Variants in DNAH1 observed in about 807,000 individuals in gnomAD.
DNAH1 encodes the protein dynein axonemal heavy chain 1.
DNAH1 carries 327 observed loss-of-function variants against 484.3 expected under a neutral mutation model. The ratio of observed to expected loss-of-function variants is 0.68; its 90% CI spans 0.62 to 0.74. The LOEUF (loss-of-function observed/expected upper bound fraction) is 0.74. DNAH1 is among the 30% of genes least tolerant of loss of function. The pLI, the probability that DNAH1 is intolerant of heterozygous loss-of-function variation, is 0.00. For missense variants in DNAH1, 5,052 were observed against 5,546.8 expected (o/e 0.91, Z 2.83); for synonymous variants, 2,192 against 2,191.9 (o/e 1.00, Z 0.00).
intron 3 of DNAH1, among the ~76,000 whole-genome samples, chr3:52,324,540 T>C (rs1307893739): frequency 6.6e-6 from 1 of 152,126 alleles, no homozygotes; most frequent in Non-Finnish European, 1.5e-5. Flanking sequence ...CAGGCCCAGA[T>C]GCCCTGTGGC....
Position 52,353,026 on chromosome 3 carries a change from G to T in DNAH1, c.3028-77G>T. The T allele has an allele frequency of 2.1e-6, 3 of 1,430,744 alleles. No individual in the cohort carries two copies. Among genetic ancestry groups the T allele is most frequent in the Non-Finnish European group, 2.8e-6 (3 of 1,054,806 alleles). 88.6% of individuals were successfully genotyped at this position (1,430,744 alleles called of 1,614,324 possible). A position where few individuals can be genotyped will look rare whatever the true frequency, so the allele number is the denominator to read the frequency against. On this transcript the variant is annotated intron_variant, in intron 18 of 77. Transcript: ENST00000420323. The surrounding 1 kb of genome is among the most constrained non-coding windows in gnomAD (Gnocchi z 5.0). Reference sequence around the variant, plus strand: ...GAGCAAGGGAGAGGGAGAGGACCTGGCCCAAGAAGGGGCAACATGGAGAGA... The same window carrying T: ...GAGCAAGGGAGAGGGAGAGGACCTGTCCCAAGAAGGGGCAACATGGAGAGA...
intron 57 of DNAH1, 39 bp from the exon 58 acceptor site, chr3:52,388,379 G>T: frequency 6.2e-7 from 1 of 1,601,652 alleles, no homozygotes; most frequent in Non-Finnish European, 8.5e-7. Flanking sequence ...CCCTCCCGGG[G>T]GTACTTGGCG....
intron 32 of DNAH1, 120 bp downstream of exon 32, chr3:52,363,264 C>T: frequency 1.5e-6 from 2 of 1,307,880 alleles, no homozygotes; most frequent in Non-Finnish European, 2.1e-6. Context: ...ACCTTGTCGG[C>T]TTCTCCCAGC....
At position 52,359,897 on chromosome 3, in the gene DNAH1, G is replaced by A. The variant is rs1423036948; in HGVS notation, c.4408-19G>A. On this transcript the variant is annotated intron_variant, in intron 26 of 77. Coordinates refer to ENST00000420323, the MANE Select transcript of DNAH1 (RefSeq NM_015512.5). The stretch of plus-strand genomic sequence containing the variant: ...CCTCGTGGTACCCTGATGTTTGACA[G>A]TGCACCCCATTTCTGCAGCTCAGTG... 2 of 1,613,270 alleles carry A rather than the reference G, an allele frequency of 1.2e-6. No homozygotes were observed. Among genetic ancestry groups the A allele is most frequent in the East Asian group, 2.2e-5 (1 of 44,878 alleles).
chr3:52,345,776 G>C, intron 10 of DNAH1, 70 bp downstream of exon 10: 1 of 1,497,942 alleles, frequency 6.7e-7, no homozygotes, highest in Non-Finnish European at 9.1e-7. Flanking sequence ...CACAGGTCGG[G>C]GCTGCAGCGG....
At chr3:52,371,880 G>T in intron 41 of DNAH1, 66 bp from the exon 42 acceptor site, 1 of 1,582,984 alleles carries the variant, frequency 6.3e-7, no homozygotes. Flanking sequence ...CTTGGCCATG[G>T]GGCCGCAGCC....
upstream of DNAH1, among the ~76,000 whole-genome samples, chr3:52,313,271 G>A (rs143424326): frequency 6.6e-6 from 1 of 152,208 alleles, no homozygotes; most frequent in African/African-American, 2.4e-5. Context: ...TCAGTGTCTG[G>A]CGCAAAAGGT....
At chr3:52,391,730 C>T (rs568569901) in intron 63 of DNAH1, 127 bp downstream of exon 63, 49 of 1,119,592 alleles carry the variant, frequency 4.4e-5, no homozygotes, top group Non-Finnish European at 6.2e-5. Flanking sequence ...CCAGTTTCAC[C>T]CCAGGCACTC....
rs1195121253 is a variant in DNAH1 at position 52,322,759 on chromosome 3, C to T, written c.317C>T (p.Thr106Ile). The T allele has an allele frequency of 1.9e-6, 3 of 1,605,376 alleles. No individual in the cohort carries two copies. The East Asian group carries it at 6.7e-5, about 36-fold the overall frequency. Residue 106 changes from threonine to isoleucine, a missense_variant, in exon 2 of 78, where the codon ACC becomes ATC. Thr to Ile is a moderately conservative substitution (Grantham distance 89, BLOSUM62 -1). Transcript: ENST00000420323. ...GFYSDILSPGTLDQLGEVCRG... is the reference protein window; with the variant it reads ...GFYSDILSPGILDQLGEVCRG... ...TACTCCGACATCCTCAGCCCTGGAA[C>T]CTTAGATCAACTTGGGGTGAGTATG...
chr3:52,366,646 T>A, intron 35 of DNAH1, 87 bp from the exon 36 acceptor site: 1 of 1,556,788 alleles, frequency 6.4e-7, no homozygotes, highest in Non-Finnish European at 8.7e-7. Context: ...CCCCTTGGCA[T>A]AGAATACCCC....
rs1704625739 is a variant in DNAH1, at chr3:52,396,377, G to A, written c.11269G>A (p.Asp3757Asn). ...GAGCCATGGCCACCAGGTACACAGG[G>A]ACTTCCGCCTCTGGCTCACCAGCCT... The part of the protein sequence containing the change: ...EHINPDKVHR[D>N]FRLWLTSLPS... Residue 3757 changes from aspartate to asparagine, a missense_variant, in exon 71 of 78, where the codon GAC becomes AAC. By Grantham distance (23) the Asp-to-Asn change is conservative. This residue lies in a region of DNAH1 where 853 missense variants were observed against 899.0 expected (regional missense o/e 0.95). Coordinates refer to ENST00000420323, the MANE Select transcript of DNAH1 (RefSeq NM_015512.5). The A allele has an allele frequency of 4.4e-6, 7 of 1,576,146 alleles. No homozygotes were observed. Among genetic ancestry groups the A allele is most frequent in the African/African-American group, 1.4e-5 (1 of 73,998 alleles).
intron 3 of DNAH1, among the ~76,000 whole-genome samples, chr3:52,324,995 C>T (rs1261041315): frequency 1.3e-5 from 2 of 152,194 alleles, no homozygotes; most frequent in African/African-American, 2.4e-5. Flanking sequence ...TCTCTTCGCC[C>T]TGGCTCCTTC....
In DNAH1 at chr3:52,388,490, C is replaced by T. The variant is rs781114057; in HGVS notation, c.9244C>T (p.Arg3082Cys). Residue 3082 changes from arginine to cysteine, a missense_variant, in exon 58 of 78, where the codon CGT becomes TGT. Arg to Cys is a radical substitution (Grantham distance 180). This residue lies in a region of DNAH1 where 2,929 missense variants were observed against 3,409.4 expected (regional missense o/e 0.86). Coordinates refer to ENST00000420323, the MANE Select transcript of DNAH1 (RefSeq NM_015512.5). ...CCTGGATGAGGCAAAACAGCGCCTT[C>T]GTGAGGTGGAGGACGGCATCGCCAC... ...RILDEAKQRLREVEDGIATMQ... is the reference protein window; with the variant it reads ...RILDEAKQRLCEVEDGIATMQ... 20 of 1,612,518 alleles carry T rather than the reference C, an allele frequency of 1.2e-5. No homozygotes were observed. The highest frequency in any genetic ancestry group is 1.2e-4 in the South Asian group (11 of 90,764).
At position 52,356,602 on chromosome 3, in the gene DNAH1, T is replaced by G. The variant is rs780766924; in HGVS notation, c.3694-12T>G. 1.9e-6 allele frequency: 3 copies of G among 1,612,284 alleles called. No individual in the cohort carries two copies. The highest frequency in any genetic ancestry group is 3.3e-5 in the Admixed American group (2 of 59,968). ...TCCATATCACACCCCTCCCTGCCCC[T>G]CCCCTCCCCAGGAGGTTCTGGAGGA... On this transcript the variant is annotated splice_polypyrimidine_tract_variant and intron_variant, in intron 21 of 77. Coordinates refer to ENST00000420323, the MANE Select transcript of DNAH1 (RefSeq NM_015512.5).
At chr3:52,372,494 C>T in intron 43 of DNAH1, 107 bp downstream of exon 43, 1 of 1,464,606 alleles carries the variant, frequency 6.8e-7, no homozygotes. Flanking sequence ...TGCCAGGAAC[C>T]TCCCAGGGGG....
At chr3:52,399,415 A>G in intron 76 of DNAH1, 130 bp from the exon 77 acceptor site, 1 of 963,166 alleles carries the variant, frequency 1.0e-6, no homozygotes, top group Non-Finnish European at 1.6e-6. Flanking sequence ...GCCATGGGCT[A>G]AAGTGGTAGG....
chr3:52,333,766 TG>T (rs1041913608), intron 8 of DNAH1, among the ~76,000 whole-genome samples: 20 of 152,238 alleles, frequency 1.3e-4, no homozygotes, highest in South Asian at 4.1e-4. Context: ...ACACAACCAA[TG>T]TTTTTTTTTC....
chr3:52,369,990 T>A lies in DNAH1; in HGVS notation c.6109T>A (p.Phe2037Ile). Residue 2037 changes from phenylalanine (F) to isoleucine (I), a missense_variant, in exon 38 of 78, where the codon TTC becomes ATC. Physicochemically the swap from Phe to Ile is conservative, Grantham distance 21. Coordinates refer to ENST00000420323, the MANE Select transcript of DNAH1 (RefSeq NM_015512.5). ...CTTGCTGAAGCCCTATGAGGAGCAT[T>A]TCAAGGCCCTCTTTGTCAGCTTCCT... is the stretch of plus-strand genomic sequence containing the variant. ...PPLLKPYEEH[F>I]KALFVSFLEE... The A allele has an allele frequency of 6.2e-7, 1 of 1,613,548 alleles. No individual in the cohort carries two copies. The highest frequency in any genetic ancestry group is 8.5e-7 in the Non-Finnish European group (1 of 1,179,602).
At chr3:52,377,645 T>C (rs1016139489) in intron 46 of DNAH1, among the ~76,000 whole-genome samples, 3 of 152,074 alleles carry the variant, frequency 2.0e-5, no homozygotes, top group Admixed American at 2.0e-4. Context: ...TGCTGGTCCT[T>C]AAGATGCCAG....
Sources: gnomAD v4.1 joint callset for allele counts (sites outside exome capture counted in the v4.1 genomes callset) on GRCh38, gnomAD v4.1.1 for gene constraint, gnomAD v4.1.1 regional missense constraint, Gnocchi (gnomAD v3.1) non-coding constraint, MANE v1.5 for transcripts, NCBI Gene and HGNC (gene_info 2026-07-23, HGNC 2026-07-21) for gene names.